The following NOMO1 variants were observed in gnomAD, a reference collection of about 807,000 sequenced individuals.
The protein encoded by NOMO1 is NODAL modulator 1, also known as nodal modulator 3.
NOMO1 carries 40 observed loss-of-function variants against 133.8 expected under a neutral mutation model. That is an observed-to-expected ratio of 0.30 (90% CI 0.23 to 0.39). NOMO1 has a LOEUF of 0.39. NOMO1 is among the 10% of genes least tolerant of loss of function. The probability of loss-of-function intolerance (pLI) is 1.00; values close to 1 mark genes in which losing one functional copy is unlikely to be tolerated. For synonymous variants in NOMO1, 236 were observed against 570.5 expected, an observed-to-expected ratio of 0.41 and a Z score of 8.36; for missense variants, 462 against 1,419.9, an observed-to-expected ratio of 0.33 and a Z score of 10.84.
chr16:14,873,628 G>C (rs1438643018), intron 18 of NOMO1, among the ~76,000 whole-genome samples: 1 of 151,044 alleles, frequency 6.6e-6, no homozygotes. Flanking sequence ...ATGAATTACT[G>C]ATAGGACTAG....
At chr16:14,845,322 G>A (rs1963663231) in intron 4 of NOMO1, among the ~76,000 whole-genome samples, 2 of 151,978 alleles carry the variant, frequency 1.3e-5, no homozygotes, top group Non-Finnish European at 2.9e-5. Context: ...ACAGGTGTAC[G>A]CTGTGCACCC....
At chr16:14,889,245 C>G (rs1231598550) in intron 29 of NOMO1, 30 bp downstream of exon 29, 2 of 1,611,522 alleles carry the variant, frequency 1.2e-6, no homozygotes, top group Non-Finnish European at 1.7e-6. Context: ...AAAAAAAAAC[C>G]CATGGGCTGG....
chr16:14,882,774 G>A lies in NOMO1; in HGVS notation c.3111+97G>A, dbSNP rs975710533. On this transcript the variant is annotated intron_variant, in intron 26 of 30. Transcript: ENST00000287667. ...TGGCTGTCTGCCTTTCATCTGTGGC[G>A]GGGGGAACTTTCATCCTAATTAAGG... 7.1e-5 allele frequency: 114 copies of A among 1,596,150 alleles called. 2 individuals are homozygous for A. The African/African-American group carries it at 1.2e-3, about 16-fold the overall frequency.
At chr16:14,862,565 T>C (rs1963935732) in intron 11 of NOMO1, 1 of 176,940 alleles carries the variant, frequency 5.7e-6, no homozygotes, top group African/African-American at 2.4e-5. Flanking sequence ...TTGATAATCC[T>C]GACTTATTTG....
chr16:14,839,192 T>C (rs1275389494), intron 2 of NOMO1, among the ~76,000 whole-genome samples: 1 of 151,882 alleles, frequency 6.6e-6, no homozygotes, highest in Non-Finnish European at 1.5e-5. Context: ...ATAGCTGGGA[T>C]TACAGGCACC....
intron 16 of NOMO1, among the ~76,000 whole-genome samples, chr16:14,871,278 T>C (rs911275399): frequency 2.0e-5 from 3 of 150,936 alleles, no homozygotes; most frequent in African/African-American, 7.3e-5. Flanking sequence ...AAGTAGGAAA[T>C]TATCCTCAGT....
intron 4 of NOMO1, among the ~76,000 whole-genome samples, chr16:14,845,022 T>G (rs1390777047): frequency 6.6e-6 from 1 of 151,792 alleles, no homozygotes; most frequent in Non-Finnish European, 1.5e-5. Flanking sequence ...GTGTTTTTAT[T>G]TTTTTATTTT....
chr16:14,853,776 A>G (rs1231764814), intron 8 of NOMO1, among the ~76,000 whole-genome samples, 161 bp from the exon 9 acceptor site: 2 of 136,202 alleles, frequency 1.5e-5, no homozygotes, highest in East Asian at 5.0e-4. Context: ...ATAGCTACAA[A>G]AAGGGCAAGG....
At chr16:14,855,907 A>G (rs1963826394) in intron 9 of NOMO1, among the ~76,000 whole-genome samples, 1 of 152,114 alleles carries the variant, frequency 6.6e-6, no homozygotes, top group African/African-American at 2.4e-5. Context: ...ATGGAATGAA[A>G]CATGTCTTTT....
chr16:14,835,683 GGCCATCTTGATGTAGATTACATT>G (rs1963495581), intron 1 of NOMO1, among the ~76,000 whole-genome samples: 1 of 151,588 alleles, frequency 6.6e-6, no homozygotes, highest in South Asian at 2.1e-4. Flanking sequence ...ATTTCATACT[GGCCATCTTGATGTAGATTACATT>G]GCCATCCTGT....
At chr16:14,870,076 G>GC (rs1278502125) in intron 16 of NOMO1, among the ~76,000 whole-genome samples, 2 of 148,102 alleles carry the variant, frequency 1.4e-5, no homozygotes, top group African/African-American at 5.0e-5. Context: ...AGCCCTGTCT[G>GC]CCACTGTCTC....
rs929509148 is a variant in NOMO1 at position 14,866,268 on chromosome 16, C to A, written c.1670-287C>A. On this transcript the variant is annotated intron_variant, in intron 14 of 30. Coordinates refer to ENST00000287667, the MANE Select transcript of NOMO1 (RefSeq NM_014287.4). Reference sequence around the variant, plus strand: ...AGAGATGGGGTTTTGCTATGTTGGTCAGACTGGTCTTGAACTCCTGGCTTC... The same window carrying A: ...AGAGATGGGGTTTTGCTATGTTGGTAAGACTGGTCTTGAACTCCTGGCTTC... 5.7e-4 allele frequency among the ~76,000 whole-genome samples: 85 copies of A among 149,874 alleles called. 1 individual carries two copies. Among genetic ancestry groups the A allele is most frequent in the Admixed American group, 2.6e-3 (39 of 15,034 alleles).
chr16:14,837,489 G>A (rs1339730299), intron 1 of NOMO1, among the ~76,000 whole-genome samples: 1 of 151,968 alleles, frequency 6.6e-6, no homozygotes, highest in Non-Finnish European at 1.5e-5. Context: ...CATCTTACTG[G>A]GTTAACACTT....
At position 14,874,007 on chromosome 16, in the gene NOMO1, A is replaced by G. The variant is rs537323710; in HGVS notation, c.2055-1029A>G. Among the ~76,000 whole-genome samples, 28 of 148,292 alleles carry G rather than the reference A, an allele frequency of 1.9e-4. 1 individual carries two copies. The highest frequency in any genetic ancestry group is 3.9e-4 in the Non-Finnish European group (26 of 66,828). On this transcript the variant is annotated intron_variant, in intron 18 of 30. Coordinates refer to ENST00000287667, the MANE Select transcript of NOMO1 (RefSeq NM_014287.4). The stretch of plus-strand genomic sequence containing the variant: ...ACCCGTCATCTAGTCCCTTTTTACC[A>G]CTTGGCCCTCAGCCTTGGTCTGACC...
In NOMO1 at chr16:14,868,640, G is replaced by A; in HGVS notation, c.1894+5G>A. The A allele has an allele frequency of 2.6e-6, 4 of 1,567,850 alleles. No individual in the cohort carries two copies. The highest frequency in any genetic ancestry group is 2.6e-6 in the Non-Finnish European group (3 of 1,142,304). ...GATTCTGCCTGTCCAAGCCTGGTAA[G>A]TTTGGAAGGATTGATGTGCCATGAA... On this transcript the variant is annotated splice_donor_5th_base_variant and intron_variant, in intron 16 of 30. Coordinates refer to ENST00000287667, the MANE Select transcript of NOMO1 (RefSeq NM_014287.4).
chr16:14,868,230 A>G (rs982694626), intron 15 of NOMO1, among the ~76,000 whole-genome samples: 5 of 137,078 alleles, frequency 3.6e-5, no homozygotes, highest in African/African-American at 8.4e-5. Context: ...TGAGATCACT[A>G]ATTTATTTGT....
Position 14,868,514 on chromosome 16 carries a change from C to T in NOMO1, c.1807-34C>T, listed in dbSNP as rs1369908192. On this transcript the variant is annotated intron_variant, in intron 15 of 30. Transcript: ENST00000287667. Reference sequence around the variant, plus strand: ...TAATCATCTTGGTGTCTCCATCTCTCTTAGTAGTCATTGTATTGGCTTTGC... The same window carrying T: ...TAATCATCTTGGTGTCTCCATCTCTTTTAGTAGTCATTGTATTGGCTTTGC... The T allele has an allele frequency of 3.7e-6, 6 of 1,603,490 alleles. No individual in the cohort carries two copies. The South Asian group carries it at 5.5e-5, about 15-fold the overall frequency.
At chr16:14,871,469 T>C in intron 16 of NOMO1, 152 bp from the exon 17 acceptor site, 1 of 1,196,436 alleles carries the variant, frequency 8.4e-7, no homozygotes, top group Non-Finnish European at 1.2e-6. Flanking sequence ...GTGAAAACGA[T>C]GCCTGCCCAG....
At chr16:14,890,404 CT>C (rs1964389939) in intron 29 of NOMO1, among the ~76,000 whole-genome samples, 2 of 149,622 alleles carry the variant, frequency 1.3e-5, no homozygotes, top group South Asian at 2.2e-4. Context: ...GCTTCTAGGC[CT>C]TTTCAGTGGG....
Sources: allele counts gnomAD v4.1 joint callset (sites outside exome capture counted in the v4.1 genomes callset), GRCh38; gene constraint gnomAD v4.1.1; transcripts MANE v1.5; gene names NCBI Gene and HGNC (gene_info 2026-07-23, HGNC 2026-07-21).